MAP3K5: variants seen among roughly 807,000 people sequenced by gnomAD.
MAP3K5 encodes ASK-1.
MAP3K5 carries 56 observed loss-of-function variants against 158.7 expected under a neutral mutation model. The observed-to-expected ratio is 0.35, with a 90% CI of 0.28 to 0.44. MAP3K5 has a LOEUF of 0.44. Among genes scored for constraint, MAP3K5 ranks in the 20% least tolerant of loss-of-function variants. MAP3K5 has a pLI of 1.00. For missense variants in MAP3K5, 1,294 were observed against 1,674.8 expected (o/e 0.77, Z 3.97); for synonymous variants, 579 against 601.7 (o/e 0.96, Z 0.55).
intron 1 of MAP3K5, among the ~76,000 whole-genome samples, chr6:136,788,349 A>G (rs1410901313): frequency 1.3e-5 from 2 of 152,170 alleles, no homozygotes; most frequent in African/African-American, 2.4e-5. Context: ...AGGAAATACC[A>G]TTCTGCATCA....
At chr6:136,645,151 T>A (rs1778190947) in intron 11 of MAP3K5, among the ~76,000 whole-genome samples, 1 of 152,168 alleles carries the variant, frequency 6.6e-6, no homozygotes, top group Admixed American at 6.5e-5. Flanking sequence ...CAGGCTGGTC[T>A]TGAACTCCTG....
At chr6:136,602,580 A>G (rs1197390671) in intron 19 of MAP3K5, among the ~76,000 whole-genome samples, 1 of 152,186 alleles carries the variant, frequency 6.6e-6, no homozygotes, top group Non-Finnish European at 1.5e-5. Context: ...CTGGGATTTC[A>G]GCCACGAGCC....
intron 11 of MAP3K5, chr6:136,647,709 G>A (rs1186046205): frequency 6.6e-6 from 1 of 152,144 alleles, no homozygotes; most frequent in Non-Finnish European, 1.5e-5. Context: ...TGGTGCCTTG[G>A]TTGGAATTCT....
At chr6:136,599,086 G>A (rs1775761073) in intron 21 of MAP3K5, among the ~76,000 whole-genome samples, 1 of 149,888 alleles carries the variant, frequency 6.7e-6, no homozygotes, top group Non-Finnish European at 1.5e-5. Flanking sequence ...TGGGAGGATC[G>A]CTTGAGCCTG....
chr6:136,683,584 GT>G (rs1780024137), intron 7 of MAP3K5, among the ~76,000 whole-genome samples: 1 of 152,166 alleles, frequency 6.6e-6, no homozygotes, highest in Non-Finnish European at 1.5e-5. Context: ...TTGGAGTAAG[GT>G]GTTCTGCTAC....
chr6:136,707,017 A>G (rs888870305), intron 2 of MAP3K5, among the ~76,000 whole-genome samples: 3 of 152,120 alleles, frequency 2.0e-5, no homozygotes, highest in Non-Finnish European at 4.4e-5. Flanking sequence ...GTGTCGTGGC[A>G]CACACCTCAC....
Position 136,662,192 on chromosome 6 carries a change from T to C in MAP3K5, c.1367-2814A>G, listed in dbSNP as rs1005530892. On this transcript the variant is annotated intron_variant, in intron 8 of 29. Transcript: ENST00000359015. ...TTAGTGTTGATGCATTTTTGCCAAA[T>C]TGCCCTTAGAAAATGCTGTACCAAT... 2.0e-5 allele frequency among the ~76,000 whole-genome samples: 3 copies of C among 152,340 alleles called. No homozygotes were observed. The East Asian group carries it at 5.8e-4, about 29-fold the overall frequency.
intron 12 of MAP3K5, 33 bp downstream of exon 12, chr6:136,642,487 T>C (rs537705573): frequency 1.3e-5 from 19 of 1,517,686 alleles, no homozygotes; most frequent in Non-Finnish European, 1.7e-5. Flanking sequence ...AAAAATGTCT[T>C]ATAAGTTAAC....
rs1775440344 is a variant in MAP3K5, at chr6:136,592,574, C to T, written c.2919G>A (p.Val973=). 6.2e-7 allele frequency: 1 copy of T among 1,613,954 alleles called. No individual in the cohort carries two copies. The highest frequency in any genetic ancestry group is 8.5e-7 in the Non-Finnish European group (1 of 1,179,978). The part of the protein sequence containing the change: ...RSISLPVPVL[V]EDTSSSSEYG... ...ACTCACTGCTGCTGCTGGTGTCCTCCACCAGCACAGGTACCGGCAAGGATA... is the reference window on the plus strand; with the variant it reads ...ACTCACTGCTGCTGCTGGTGTCCTCTACCAGCACAGGTACCGGCAAGGATA... The change falls in exon 22 of 30, where the codon GTG becomes GTA. Residue 973 remains valine, a synonymous_variant. Coordinates refer to ENST00000359015, the MANE Select transcript of MAP3K5 (RefSeq NM_005923.4).
intron 26 of MAP3K5, among the ~76,000 whole-genome samples, chr6:136,564,608 T>C (rs1774009103): frequency 6.6e-6 from 1 of 152,258 alleles, no homozygotes. Flanking sequence ...ACAGTGATGG[T>C]ATCTTCTTAC....
intron 14 of MAP3K5, among the ~76,000 whole-genome samples, chr6:136,623,356 T>C (rs956053527): frequency 1.1e-4 from 17 of 152,232 alleles, no homozygotes; most frequent in African/African-American, 3.9e-4. Context: ...ATCTTCCTTT[T>C]GTTATTCAGC....
intron 1 of MAP3K5, among the ~76,000 whole-genome samples, chr6:136,747,127 C>A (rs9376228): frequency 6.6e-6 from 1 of 152,124 alleles, no homozygotes; most frequent in Non-Finnish European, 1.5e-5. Flanking sequence ...TGCTACATTG[C>A]CCAGGCTGGT....
chr6:136,600,805 C>T (rs1353504366), intron 21 of MAP3K5, among the ~76,000 whole-genome samples: 1 of 151,968 alleles, frequency 6.6e-6, no homozygotes, highest in Non-Finnish European at 1.5e-5. Context: ...AAAATTTAAG[C>T]CATCCCCACT....
At chr6:136,764,763 T>C (rs1024507565) in intron 1 of MAP3K5, among the ~76,000 whole-genome samples, 2 of 152,222 alleles carry the variant, frequency 1.3e-5, no homozygotes, top group African/African-American at 2.4e-5. Context: ...TTCTTTAATA[T>C]ATATTTTCTC....
chr6:136,765,679 A>ATTTTTTTTTTTTTTT (rs780589836), intron 1 of MAP3K5, among the ~76,000 whole-genome samples: 1 of 120,022 alleles, frequency 8.3e-6, no homozygotes, highest in Non-Finnish European at 1.7e-5. Context: ...TGCCTGGCTA[A>ATTTTTTTTTTTTTTT]TTTTTTTTTT....
intron 26 of MAP3K5, among the ~76,000 whole-genome samples, chr6:136,567,127 A>G (rs1666711517): frequency 6.6e-6 from 1 of 152,358 alleles, no homozygotes; most frequent in Non-Finnish European, 1.5e-5. Flanking sequence ...TATACTCCAG[A>G]TATGTTACAG....
intron 17 of MAP3K5, among the ~76,000 whole-genome samples, chr6:136,612,450 C>T (rs1776385663): frequency 6.6e-6 from 1 of 152,108 alleles, no homozygotes; most frequent in Non-Finnish European, 1.5e-5. Flanking sequence ...AGTTACCTTA[C>T]TTTCTTTTCT....
intron 1 of MAP3K5, among the ~76,000 whole-genome samples, chr6:136,778,162 A>C (rs1261434814): frequency 6.6e-6 from 1 of 152,184 alleles, no homozygotes; most frequent in East Asian, 1.9e-4. Flanking sequence ...TAAATTTAAT[A>C]ATATTTTACC....
At chr6:136,716,983 C>A (rs573926731) in intron 2 of MAP3K5, among the ~76,000 whole-genome samples, 46 of 152,098 alleles carry the variant, frequency 3.0e-4, no homozygotes, top group African/African-American at 1.0e-3. Flanking sequence ...CATGGTGAAA[C>A]CCCATCTCTA....
Sources: allele counts gnomAD v4.1 joint callset (sites outside exome capture counted in the v4.1 genomes callset), GRCh38; gene constraint gnomAD v4.1.1; transcripts MANE v1.5; gene names NCBI Gene and HGNC (gene_info 2026-07-23, HGNC 2026-07-21).